CUX1: variants seen among roughly 807,000 people sequenced by gnomAD.
The protein encoded by CUX1 is cut like homeobox 1.
A neutral mutation model predicts 158.8 loss-of-function variants in CUX1; 31 were observed. The observed-to-expected ratio is 0.20, with a 90% CI of 0.15 to 0.26. The LOEUF (loss-of-function observed/expected upper bound fraction) is 0.26, where lower values mean the gene tolerates loss of function less well. Ranked by LOEUF, CUX1 falls within the 10% of genes least tolerant of loss-of-function variation. The pLI is 1.00. For missense variants in CUX1, 1,589 were observed against 2,014.6 expected (o/e 0.79, Z 4.04); for synonymous variants, 879 against 862.1 (o/e 1.02, Z -0.34).
chr7:102,121,460 C>T (rs150705718), intron 8 of CUX1, among the ~76,000 whole-genome samples: 1 of 152,128 alleles, frequency 6.6e-6, no homozygotes, highest in African/African-American at 2.4e-5. Context: ...ATTCTCCTGC[C>T]TCAGTCTCCC....
intron 2 of CUX1, among the ~76,000 whole-genome samples, chr7:101,993,286 C>T (rs1395777417): frequency 6.6e-6 from 1 of 152,106 alleles, no homozygotes; most frequent in African/African-American, 2.4e-5. Flanking sequence ...GCCGAGGTTG[C>T]ACCATTGCAC....
At chr7:102,216,818 TCTCCCACCA>T (rs2132229008) in intron 20 of CUX1, among the ~76,000 whole-genome samples, 1 of 88,240 alleles carries the variant, frequency 1.1e-5, no homozygotes, top group East Asian at 4.0e-4. Flanking sequence ...CCACACACAC[TCTCCCACCA>T]CACACACACA....
chr7:101,933,696 A>G (rs1294252210), intron 2 of CUX1, among the ~76,000 whole-genome samples: 4 of 152,182 alleles, frequency 2.6e-5, no homozygotes, highest in Non-Finnish European at 5.9e-5. Context: ...TTTGATCATA[A>G]AGTGAAGATG....
intron 2 of CUX1, among the ~76,000 whole-genome samples, chr7:101,989,799 G>A (rs1814863797): frequency 6.6e-6 from 1 of 152,156 alleles, no homozygotes; most frequent in Non-Finnish European, 1.5e-5. Context: ...CAGAAGAGTG[G>A]GCACATGCTA....
Position 102,201,268 on chromosome 7 carries a change from A to G in CUX1, c.2063-92A>G, listed in dbSNP as rs1554519572. 1.3e-6 allele frequency: 2 copies of G among 1,530,188 alleles called. No individual in the cohort carries two copies. The highest frequency in any genetic ancestry group is 2.7e-5 in the African/African-American group (2 of 73,154). The allele number at this position is 1,530,188 out of a possible 1,614,324, so 94.8% of individuals were successfully genotyped here. Reference sequence around the variant, plus strand: ...ACAGTGTGGTTCTCCCAAATAACCCACACTTTGCAGTAGGTCAAGTTAGGA... The same window carrying G: ...ACAGTGTGGTTCTCCCAAATAACCCGCACTTTGCAGTAGGTCAAGTTAGGA... On this transcript the variant is annotated intron_variant, in intron 17 of 23. Coordinates refer to ENST00000292535, the MANE Select transcript of CUX1 (RefSeq NM_181552.4). The surrounding 1 kb of genome is among the most constrained non-coding windows in gnomAD (Gnocchi z 5.0).
chr7:102,205,131 T>C lies in CUX1; in HGVS notation c.3091T>C (p.Ser1031Pro), dbSNP rs782159101. Reference sequence around the variant, plus strand: ...TACTTTAGTCCTCCACTCCGTGACATCGCTCCAGGACCCGCTGCAGCAGGG... The same window carrying C: ...TACTTTAGTCCTCCACTCCGTGACACCGCTCCAGGACCCGCTGCAGCAGGG... ...QQGPVLHSVT[S>P]LQDPLQQGCV... is the part of the protein sequence containing the mutation. The change falls in exon 20 of 24, where the codon TCG (serine) becomes CCG (proline). Residue 1031 changes from serine to proline, a missense_variant. Ser to Pro is a moderately conservative substitution (Grantham distance 74). Coordinates refer to ENST00000292535, the MANE Select transcript of CUX1 (RefSeq NM_181552.4). 1.2e-6 allele frequency: 2 copies of C among 1,611,662 alleles called. No homozygotes were observed. Among genetic ancestry groups the C allele is most frequent in the South Asian group, 1.1e-5 (1 of 91,010 alleles).
At chr7:102,270,401 G>C (rs563170640) in intron 14 of CUX1, among the ~76,000 whole-genome samples, 73 of 152,332 alleles carry the variant, frequency 4.8e-4, no homozygotes, top group African/African-American at 1.7e-3. Flanking sequence ...CAGTTTCAAA[G>C]CACAGCTCTG....
downstream of CUX1, among the ~76,000 whole-genome samples, chr7:102,259,479 T>C (rs1563509774): frequency 6.6e-6 from 1 of 152,154 alleles, no homozygotes; most frequent in East Asian, 1.9e-4. Context: ...TCCCAGCTAC[T>C]TGGGAGGCTG....
intron 20 of CUX1, among the ~76,000 whole-genome samples, chr7:102,211,928 C>T (rs377068898): frequency 1.7e-4 from 26 of 152,178 alleles, no homozygotes; most frequent in African/African-American, 5.3e-4. Flanking sequence ...TGAGATGAGG[C>T]TGGGGGGCCG....
chr7:102,029,660 C>G (rs1192467645), intron 3 of CUX1, among the ~76,000 whole-genome samples: 1 of 152,074 alleles, frequency 6.6e-6, no homozygotes, highest in Non-Finnish European at 1.5e-5. Flanking sequence ...CAGAACAGTA[C>G]CCCTCTCTTC....
At chr7:102,104,292 T>C (rs1554487627) in intron 5 of CUX1, 44 bp from the exon 6 acceptor site, 1 of 1,562,560 alleles carries the variant, frequency 6.4e-7, no homozygotes. Context: ...CATATGGAAT[T>C]GTATGCTTCT....
chr7:102,217,825 A>T (rs1158578941), intron 20 of CUX1, among the ~76,000 whole-genome samples: 1 of 96,096 alleles, frequency 1.0e-5, no homozygotes, highest in African/African-American at 5.2e-5. Context: ...GGGAGGGAGG[A>T]TCTGGATGGA....
intron 2 of CUX1, among the ~76,000 whole-genome samples, chr7:102,011,277 C>T (rs145492665): frequency 5.1e-4 from 77 of 152,170 alleles, no homozygotes; most frequent in Non-Finnish European, 9.0e-4. Flanking sequence ...ACTGAGAGCG[C>T]AGTGGGCGTT....
At chr7:101,996,804 C>G (rs1351881798) in intron 2 of CUX1, among the ~76,000 whole-genome samples, 2 of 151,834 alleles carry the variant, frequency 1.3e-5, no homozygotes, top group African/African-American at 4.9e-5. Context: ...TCTCTTTCTC[C>G]TCTGCTCCAG....
At chr7:102,195,457 G>A (rs983948589) in intron 13 of CUX1, 50 bp from the exon 14 acceptor site, 17 of 1,491,828 alleles carry the variant, frequency 1.1e-5, no homozygotes, top group Non-Finnish European at 1.6e-5. Flanking sequence ...GGCCCCGGGA[G>A]CGGGTGAGTG....
downstream of CUX1, among the ~76,000 whole-genome samples, chr7:102,258,821 A>C (rs1253727056): frequency 2.6e-5 from 4 of 152,166 alleles, no homozygotes; most frequent in East Asian, 7.7e-4. Context: ...GCACCAGTTA[A>C]TGCTTGCGAG....
At chr7:102,281,407 A>C (rs1267108439) in intron 20 of CUX1, among the ~76,000 whole-genome samples, 1 of 151,936 alleles carries the variant, frequency 6.6e-6, no homozygotes, top group African/African-American at 2.4e-5. Flanking sequence ...TCACGCCTGT[A>C]ATCTCAGCAC....
At chr7:102,195,687 C>G (rs1554518124) in intron 14 of CUX1, 84 bp downstream of exon 14, 4 of 1,258,496 alleles carry the variant, frequency 3.2e-6, no homozygotes, top group Admixed American at 2.1e-5. Context: ...AATCGTGAGT[C>G]TGGACAGATG....
At chr7:102,145,194 C>T (rs371945343) in intron 8 of CUX1, among the ~76,000 whole-genome samples, 5 of 151,676 alleles carry the variant, frequency 3.3e-5, no homozygotes, top group African/African-American at 7.3e-5. Context: ...ATTCCCTCTT[C>T]GTCACTTTTT....
Sources: gnomAD v4.1 joint callset for allele counts (sites outside exome capture counted in the v4.1 genomes callset) on GRCh38, gnomAD v4.1.1 for gene constraint, Gnocchi (gnomAD v3.1) non-coding constraint, MANE v1.5 for transcripts, NCBI Gene and HGNC (gene_info 2026-07-23, HGNC 2026-07-21) for gene names.